Variants in GTF2H3 observed in about 807,000 individuals in gnomAD.
The protein encoded by GTF2H3 is TFIIH basal transcription factor complex p34 subunit.
A neutral mutation model predicts 51.1 loss-of-function variants in GTF2H3; 42 were observed. The ratio of observed to expected loss-of-function variants is 0.82; its 90% CI spans 0.64 to 1.06. The LOEUF (loss-of-function observed/expected upper bound fraction) is 1.06, where lower values mean the gene tolerates loss of function less well. GTF2H3 is among the 50% of genes least tolerant of loss of function. The pLI is 0.00. For synonymous variants in GTF2H3, 123 were observed against 123.8 expected (o/e 0.99, Z 0.04); for missense variants, 326 against 366.1 (o/e 0.89, Z 0.89).
At chr12:123,634,974 G>A (rs983057640) in intron 1 of GTF2H3, among the ~76,000 whole-genome samples, 1 of 152,188 alleles carries the variant, frequency 6.6e-6, no homozygotes, top group Non-Finnish European at 1.5e-5. Context: ...ATGGACTGTG[G>A]GGAGCAAGAA....
chr12:123,633,848 G>C lies in GTF2H3; in HGVS notation c.-12G>C, dbSNP rs1467343463. 1.9e-6 allele frequency: 3 copies of C among 1,612,986 alleles called. No individual in the cohort carries two copies. The highest frequency in any genetic ancestry group is 1.1e-5 in the South Asian group (1 of 91,088). On this transcript the variant is annotated 5_prime_UTR_variant, in exon 1 of 13. Transcript: ENST00000543341. Reference sequence around the variant, plus strand: ...ACCACCACTTGCTCTGCGCTGAGGTGCTGGGACAGCCATGGTTTCAGACGG... The same window carrying C: ...ACCACCACTTGCTCTGCGCTGAGGTCCTGGGACAGCCATGGTTTCAGACGG...
intron 1 of GTF2H3, among the ~76,000 whole-genome samples, chr12:123,635,050 C>T (rs553564589): frequency 1.3e-5 from 2 of 152,134 alleles, no homozygotes; most frequent in African/African-American, 2.4e-5. Flanking sequence ...GATGTGAAAC[C>T]ATACCACAAC....
At chr12:123,638,524 T>G (rs1005986525) in intron 1 of GTF2H3, among the ~76,000 whole-genome samples, 1 of 151,740 alleles carries the variant, frequency 6.6e-6, no homozygotes, top group South Asian at 2.1e-4. Flanking sequence ...CCCAGGCTGG[T>G]CTTGGGAACT....
chr12:123,635,236 G>A lies in GTF2H3; in HGVS notation c.13+1364G>A, dbSNP rs114412204. Among the ~76,000 whole-genome samples, 300 of 152,258 alleles carry A rather than the reference G, an allele frequency of 2.0e-3. 1 individual carries two copies. The highest frequency in any genetic ancestry group is 6.6e-3 in the African/African-American group (273 of 41,554). ...GTGCTTCTGTCCTAGGTGCTTTGTT[G>A]TGTGATTTACACATTTTTTTGTTTT... is the stretch of plus-strand genomic sequence containing the variant. On this transcript the variant is annotated intron_variant, in intron 1 of 12. Transcript: ENST00000543341.
intron 6 of GTF2H3, 49 bp from the exon 7 acceptor site, chr12:123,652,658 T>A (rs750602227): frequency 6.5e-7 from 1 of 1,539,568 alleles, no homozygotes; most frequent in Non-Finnish European, 8.9e-7. Context: ...AAACCATATA[T>A]GATTAGTAAG....
At chr12:123,653,959 T>C (rs1955551681) in intron 7 of GTF2H3, among the ~76,000 whole-genome samples, 1 of 152,150 alleles carries the variant, frequency 6.6e-6, no homozygotes. Context: ...ACTGCTTAAA[T>C]AGTGGAAATT....
At chr12:123,642,370 C>T (rs753334253) in intron 2 of GTF2H3, among the ~76,000 whole-genome samples, 3 of 151,592 alleles carry the variant, frequency 2.0e-5, no homozygotes, top group Admixed American at 6.6e-5. Context: ...GGGGTTTCGC[C>T]GTGTTGGCCA....
At chr12:123,647,256 A>G (rs1051273203) in intron 3 of GTF2H3, among the ~76,000 whole-genome samples, 2 of 152,062 alleles carry the variant, frequency 1.3e-5, no homozygotes, top group Non-Finnish European at 2.9e-5. Flanking sequence ...ACTTGAGGTC[A>G]GTTTGAGACC....
At position 123,648,854 on chromosome 12, in the gene GTF2H3, A is replaced by C. The variant is rs1015320288; in HGVS notation, c.364+728A>C. ...ATTTTTATAGGGACGGGGTCTCACT[A>C]TGTTGCCCAGGCTGGTCTTGAACTC... On this transcript the variant is annotated intron_variant, in intron 4 of 12. Coordinates refer to ENST00000543341, the MANE Select transcript of GTF2H3 (RefSeq NM_001516.5). Among the ~76,000 whole-genome samples the C allele has an allele frequency of 2.0e-5, 3 of 152,134 alleles. No homozygotes were observed. In the East Asian group the frequency reaches 5.8e-4, roughly 29 times the overall value.
chr12:123,640,431 G>A (rs1955353839), intron 2 of GTF2H3, among the ~76,000 whole-genome samples: 6 of 151,064 alleles, frequency 4.0e-5, no homozygotes, highest in Admixed American at 4.0e-4. Flanking sequence ...TTGCCTCCTG[G>A]GTTCAAGTGA....
chr12:123,642,676 C>G (rs1177787409), intron 2 of GTF2H3, among the ~76,000 whole-genome samples: 1 of 152,086 alleles, frequency 6.6e-6, no homozygotes, highest in Non-Finnish European at 1.5e-5. Context: ...AATATAGATC[C>G]ACTTCCACCC....
rs779338117 is a variant in GTF2H3, at chr12:123,652,714, G to A, written c.465G>A (p.Gln155=). Residue 155 remains glutamine, a synonymous_variant, in exon 7 of 13, where the codon CAG becomes CAA. Transcript: ENST00000543341. ...HRMNKEVKDN[Q]EMKSRILVIK... is the part of the protein sequence containing the mutation. ...GCTTTTTTCTCTTTGTAGACAATCAGGAAATGAAATCAAGGATATTGGTAA... is the reference window on the plus strand; with the variant it reads ...GCTTTTTTCTCTTTGTAGACAATCAAGAAATGAAATCAAGGATATTGGTAA... The A allele has an allele frequency of 1.2e-5, 18 of 1,515,466 alleles. No homozygotes were observed. The highest frequency in any genetic ancestry group is 1.3e-5 in the Non-Finnish European group (15 of 1,115,452). The allele number at this position is 1,515,466 out of a possible 1,614,324, so 93.9% of individuals were successfully genotyped here. A position where few individuals can be genotyped will look rare whatever the true frequency, so the allele number is the denominator to read the frequency against.
chr12:123,641,422 C>T (rs1227201544), intron 2 of GTF2H3, among the ~76,000 whole-genome samples: 2 of 151,590 alleles, frequency 1.3e-5, no homozygotes, highest in Admixed American at 6.6e-5. Flanking sequence ...GACGGGGCTT[C>T]GCCATGTTGG....
Position 123,654,884 on chromosome 12 carries a change from G to A in GTF2H3, c.487-40G>A. On this transcript the variant is annotated intron_variant, in intron 7 of 12. Transcript: ENST00000543341. ...GTGTGACATTGGTGTGAGAGGACTGGCATGTGCCTGGGTGGAATTAACATG... is the reference window on the plus strand; with the variant it reads ...GTGTGACATTGGTGTGAGAGGACTGACATGTGCCTGGGTGGAATTAACATG... 3 of 1,361,906 alleles carry A rather than the reference G, an allele frequency of 2.2e-6. No individual in the cohort carries two copies. In the Admixed American group the frequency reaches 5.0e-5, roughly 23 times the overall value. 84.4% of individuals were successfully genotyped at this position (1,361,906 alleles called of 1,614,324 possible).
At chr12:123,639,642 T>G (rs1955339403) in intron 2 of GTF2H3, among the ~76,000 whole-genome samples, 1 of 152,204 alleles carries the variant, frequency 6.6e-6, no homozygotes, top group South Asian at 2.1e-4. Context: ...TTCCCTTTTC[T>G]GGACATTTCA....
Position 123,639,259 on chromosome 12 carries a change from T to C in GTF2H3, c.14-5T>C. On this transcript the variant is annotated splice_polypyrimidine_tract_variant and splice_region_variant and intron_variant, in intron 1 of 12. Transcript: ENST00000543341. ...TTAAATTTTATTTCTTGTTAATATT[T>C]TCAGAAGATGAATTGAATCTTCTGG... The C allele has an allele frequency of 7.1e-7, 1 of 1,413,202 alleles. No individual in the cohort carries two copies. Among genetic ancestry groups the C allele is most frequent in the Non-Finnish European group, 1.0e-6 (1 of 1,001,780 alleles). 87.5% of individuals were successfully genotyped at this position (1,413,202 alleles called of 1,614,324 possible).
intron 2 of GTF2H3, among the ~76,000 whole-genome samples, chr12:123,641,849 T>C (rs1408809778): frequency 6.6e-6 from 1 of 151,836 alleles, no homozygotes; most frequent in African/African-American, 2.4e-5. Context: ...TTTTAGTTTT[T>C]TTGTTTGTTT....
At chr12:123,634,374 C>G (rs1310887533) in intron 1 of GTF2H3, among the ~76,000 whole-genome samples, 1 of 152,100 alleles carries the variant, frequency 6.6e-6, no homozygotes, top group Admixed American at 6.6e-5. Flanking sequence ...CCCAGGAATT[C>G]GAGGCTTCAG....
intron 4 of GTF2H3, chr12:123,649,261 C>T (rs1039643874): frequency 6.6e-6 from 1 of 152,354 alleles, no homozygotes. Flanking sequence ...AGCCACCACA[C>T]CCAGGCCCCA....
Sources: gnomAD v4.1 joint callset for allele counts (sites outside exome capture counted in the v4.1 genomes callset) on GRCh38, gnomAD v4.1.1 for gene constraint, MANE v1.5 for transcripts, NCBI Gene and HGNC (gene_info 2026-07-23, HGNC 2026-07-21) for gene names.